BCAS3: variants seen among roughly 807,000 people sequenced by gnomAD.
BCAS3 encodes the protein BCAS3 microtubule associated cell migration factor, also known as BCAS4/BCAS3 fusion.
BCAS3 carries 53 observed loss-of-function variants against 116.1 expected under a neutral mutation model. That is an observed-to-expected ratio of 0.46 (90% CI 0.37 to 0.57). The LOEUF (loss-of-function observed/expected upper bound fraction) is 0.57. Ranked by LOEUF, BCAS3 falls within the 20% of genes least tolerant of loss-of-function variation. The pLI, the probability that BCAS3 is intolerant of heterozygous loss-of-function variation, is 0.00. For synonymous variants in BCAS3, 391 were observed against 408.2 expected (o/e 0.96, Z 0.51); for missense variants, 917 against 1,165.4 (o/e 0.79, Z 3.10).
Position 61,380,412 on chromosome 17 carries a change from T to G in BCAS3, c.2594-11565T>G. On this transcript the variant is annotated intron_variant, in intron 23 of 23. Coordinates refer to ENST00000407086, the MANE Select transcript of BCAS3 (RefSeq NM_017679.5). This position sits in a 1 kb window ranked among gnomAD's most constrained non-coding sequence, Gnocchi z 4.2. ...AAAGCTCTCAGTGGTCAAACCAGATTTGGGTATCGACTCACTTTGATCTCA... is the reference window on the plus strand; with the variant it reads ...AAAGCTCTCAGTGGTCAAACCAGATGTGGGTATCGACTCACTTTGATCTCA... 1.7e-6 allele frequency: 2 copies of G among 1,193,066 alleles called. No individual in the cohort carries two copies. Among genetic ancestry groups the G allele is most frequent in the Non-Finnish European group, 2.4e-6 (2 of 830,976 alleles). The allele number at this position is 1,193,066 out of a possible 1,614,324, so 73.9% of individuals were successfully genotyped here.
At position 61,249,830 on chromosome 17, in the gene BCAS3, T is replaced by C. The variant is rs1240470797; in HGVS notation, c.2426-118497T>C. 6.6e-6 allele frequency among the ~76,000 whole-genome samples: 1 copy of C among 152,174 alleles called. No homozygotes were observed. The highest frequency in any genetic ancestry group is 1.5e-5 in the Non-Finnish European group (1 of 68,020). On this transcript the variant is annotated intron_variant, in intron 22 of 23. Coordinates refer to ENST00000407086, the MANE Select transcript of BCAS3 (RefSeq NM_017679.5). This position sits in a 1 kb window ranked among gnomAD's most constrained non-coding sequence, Gnocchi z 6.2. ...AAAAAACTTTCTGTTATCTACCTGATAGACCCATGGAATACAAAAAAAATG... is the reference window on the plus strand; with the variant it reads ...AAAAAACTTTCTGTTATCTACCTGACAGACCCATGGAATACAAAAAAAATG...
At position 60,986,587 on chromosome 17, in the gene BCAS3, A is replaced by T. The variant is rs1425954970; in HGVS notation, c.1222-3384A>T. ...TTGTAGTTTTGATTTTCATTTCTGT[A>T]ATGATTATTGATGTTGAGCACATTT... is the stretch of plus-strand genomic sequence containing the variant. On this transcript the variant is annotated intron_variant, in intron 14 of 23. Transcript: ENST00000407086. Among the ~76,000 whole-genome samples, 47 of 152,092 alleles carry T rather than the reference A, an allele frequency of 3.1e-4. 1 individual carries two copies. The highest frequency in any genetic ancestry group is 3.0e-3 in the Admixed American group (46 of 15,266).
At chr17:60,946,586 G>A in intron 13 of BCAS3, among the ~76,000 whole-genome samples, 1 of 152,074 alleles carries the variant, frequency 6.6e-6, no homozygotes. Flanking sequence ...GTTTCATGGG[G>A]GGTATGTCAT....
At chr17:60,963,245 A>AT (rs58716303) in intron 14 of BCAS3, among the ~76,000 whole-genome samples, 16,998 of 149,706 alleles carry the variant, frequency 0.11, 3,137 homozygotes, top group African/African-American at 0.39. Flanking sequence ...AAATGTTAAG[A>AT]TTTTTTTTTT....
rs924628375 is a variant in BCAS3, at chr17:61,144,380, T to C, written c.2425+59816T>C. Among the ~76,000 whole-genome samples the C allele has an allele frequency of 1.3e-5, 2 of 152,206 alleles. No individual in the cohort carries two copies. Among genetic ancestry groups the C allele is most frequent in the Non-Finnish European group, 2.9e-5 (2 of 68,042 alleles). ...CCAGTGCCTGTGAAGACCTGGAACA[T>C]TTCAGACAATCACACAGATGTTTTC... On this transcript the variant is annotated intron_variant, in intron 22 of 23. Coordinates refer to ENST00000407086, the MANE Select transcript of BCAS3 (RefSeq NM_017679.5). This position sits in a 1 kb window ranked among gnomAD's most constrained non-coding sequence, Gnocchi z 5.0.
intron 7 of BCAS3, among the ~76,000 whole-genome samples, chr17:60,849,448 C>T (rs1214411897): frequency 6.6e-6 from 1 of 151,828 alleles, no homozygotes; most frequent in Non-Finnish European, 1.5e-5. Flanking sequence ...GGGTAGTGTG[C>T]AGAGGAGAGT....
rs1325438680 is a variant in BCAS3, at chr17:61,130,533, A to G, written c.2425+45969A>G. On this transcript the variant is annotated intron_variant, in intron 22 of 23. Coordinates refer to ENST00000407086, the MANE Select transcript of BCAS3 (RefSeq NM_017679.5). This position sits in a 1 kb window ranked among gnomAD's most constrained non-coding sequence, Gnocchi z 5.0. Reference sequence around the variant, plus strand: ...CCAGTTTATGTTACGTAATATGGTGAGAATCTTCTTCCTCAAATACTTTTT... The same window carrying G: ...CCAGTTTATGTTACGTAATATGGTGGGAATCTTCTTCCTCAAATACTTTTT... Among the ~76,000 whole-genome samples the G allele has an allele frequency of 6.6e-6, 1 of 152,200 alleles. No individual in the cohort carries two copies. The highest frequency in any genetic ancestry group is 1.5e-5 in the Non-Finnish European group (1 of 68,038).
intron 14 of BCAS3, among the ~76,000 whole-genome samples, chr17:60,989,512 T>C (rs1322176599): frequency 1.1e-4 from 16 of 152,006 alleles, no homozygotes; most frequent in Admixed American, 9.8e-4. Context: ...CTGCACTCAT[T>C]TACATATGTT....
chr17:61,183,534 G>T (rs557696332), intron 22 of BCAS3, among the ~76,000 whole-genome samples: 1 of 152,262 alleles, frequency 6.6e-6, no homozygotes, highest in South Asian at 2.1e-4. Context: ...TTGTTAAGAT[G>T]TTTAAAATGT....
chr17:60,939,209 T>C (rs2060100517), intron 13 of BCAS3, among the ~76,000 whole-genome samples: 1 of 152,088 alleles, frequency 6.6e-6, no homozygotes, highest in Non-Finnish European at 1.5e-5. Context: ...GGTGGGTAGA[T>C]CACTTGAGGC....
rs934202311 is a variant in BCAS3, at chr17:61,200,152, T to TA, written c.2425+115594dup. On this transcript the variant is annotated intron_variant, in intron 22 of 23. Coordinates refer to ENST00000407086, the MANE Select transcript of BCAS3 (RefSeq NM_017679.5). This position sits in a 1 kb window ranked among gnomAD's most constrained non-coding sequence, Gnocchi z 5.1. ...CCCCCTTCATTTCTTATCCTCTTTA[T>TA]AAAAAACAAAACAAAACCAACTTAG... 1.3e-5 allele frequency among the ~76,000 whole-genome samples: 2 copies of TA among 152,154 alleles called. No homozygotes were observed. Among genetic ancestry groups the TA allele is most frequent in the African/African-American group, 2.4e-5 (1 of 41,426 alleles).
intron 5 of BCAS3, among the ~76,000 whole-genome samples, chr17:60,710,617 C>T (rs36109609): frequency 6.6e-6 from 1 of 151,470 alleles, no homozygotes; most frequent in East Asian, 1.9e-4. Context: ...ATTTTTAGTA[C>T]AGATGGGGTT....
In BCAS3 at chr17:61,222,977, G is replaced by T. The variant is rs2082188555; in HGVS notation, c.2425+138413G>T. Among the ~76,000 whole-genome samples the T allele has an allele frequency of 6.6e-6, 1 of 151,974 alleles. No homozygotes were observed. Among genetic ancestry groups the T allele is most frequent in the Non-Finnish European group, 1.5e-5 (1 of 68,006 alleles). On this transcript the variant is annotated intron_variant, in intron 22 of 23. Transcript: ENST00000407086. The surrounding 1 kb of genome is among the most constrained non-coding windows in gnomAD (Gnocchi z 6.1). ...TGATAGCATCCTGCCTGCCACACTG[G>T]GCTTTTCTCCTTTTCCAGTCCGGTT... is the stretch of plus-strand genomic sequence containing the variant.
intron 22 of BCAS3, among the ~76,000 whole-genome samples, chr17:61,111,555 G>A (rs1380904396): frequency 6.6e-6 from 1 of 151,152 alleles, no homozygotes; most frequent in African/African-American, 2.4e-5. Context: ...AAAAAGAAAT[G>A]AGCAAAGCCT....
intron 22 of BCAS3, among the ~76,000 whole-genome samples, chr17:61,231,040 ATCC>A (rs2082649506): frequency 6.7e-6 from 1 of 150,104 alleles, no homozygotes; most frequent in Non-Finnish European, 1.5e-5. Flanking sequence ...GACTCAAGCA[ATCC>A]TCCTCCCACC....
intron 6 of BCAS3, among the ~76,000 whole-genome samples, chr17:60,759,647 TACTG>T (rs1568185998): frequency 3.4e-5 from 5 of 147,520 alleles, no homozygotes; most frequent in Non-Finnish European, 4.5e-5. Context: ...TTTTTTTTTT[TACTG>T]TTTTTGTTTT....
intron 7 of BCAS3, among the ~76,000 whole-genome samples, chr17:60,830,865 TA>T (rs2050856498): frequency 1.4e-5 from 2 of 148,016 alleles, no homozygotes; most frequent in Admixed American, 6.7e-5. Flanking sequence ...TTTTTTTTTT[TA>T]AATAAACATC....
chr17:60,889,584 CT>C (rs1475343058), intron 9 of BCAS3, 110 bp from the exon 10 acceptor site: 3 of 870,184 alleles, frequency 3.4e-6, no homozygotes, highest in Non-Finnish European at 5.5e-6. Context: ...TTATGTGAGA[CT>C]TGAAAAAATA....
chr17:60,822,450 C>A (rs2050045610), intron 7 of BCAS3, among the ~76,000 whole-genome samples: 1 of 152,132 alleles, frequency 6.6e-6, no homozygotes, highest in Admixed American at 6.5e-5. Flanking sequence ...TGTTTACCTG[C>A]AATTGCTACA....
Sources: gnomAD v4.1 joint callset for allele counts (sites outside exome capture counted in the v4.1 genomes callset) on GRCh38, gnomAD v4.1.1 for gene constraint, Gnocchi (gnomAD v3.1) non-coding constraint, MANE v1.5 for transcripts, NCBI Gene and HGNC (gene_info 2026-07-23, HGNC 2026-07-21) for gene names.